GAL3ST2: variants seen among roughly 807,000 people sequenced by gnomAD.
GAL3ST2 encodes the protein beta-galactose-3-O-sulfotransferase 2.
A neutral mutation model predicts 12.9 loss-of-function variants in GAL3ST2; 16 were observed. The ratio of observed to expected loss-of-function variants is 1.24; its 90% CI spans 0.84 to 1.88. The LOEUF (loss-of-function observed/expected upper bound fraction) is 1.88, where lower values mean the gene tolerates loss of function less well. GAL3ST2 is among the 40% of genes most tolerant of loss of function. GAL3ST2 has a pLI of 0.00. For missense variants in GAL3ST2, 639 were observed against 571.8 expected, an observed-to-expected ratio of 1.12 and a Z score of -1.20; for synonymous variants, 302 against 273.9, an observed-to-expected ratio of 1.10 and a Z score of -1.01.
intron 1 of GAL3ST2, among the ~76,000 whole-genome samples, chr2:241,784,934 T>C (rs1319494908): frequency 3.3e-5 from 5 of 152,194 alleles, no homozygotes; most frequent in African/African-American, 9.7e-5. Context: ...AGGTTAAAGA[T>C]GGATGCCAAA....
At chr2:241,782,727 A>C (rs1470586216) in intron 1 of GAL3ST2, among the ~76,000 whole-genome samples, 2 of 152,184 alleles carry the variant, frequency 1.3e-5, no homozygotes, top group African/African-American at 4.8e-5. Flanking sequence ...TCAGTGTTTA[A>C]AATATAGCAG....
intron 1 of GAL3ST2, among the ~76,000 whole-genome samples, chr2:241,787,529 A>AACT (rs1371222955): frequency 4.4e-5 from 6 of 136,108 alleles, no homozygotes; most frequent in African/African-American, 1.9e-4. Context: ...TTTGCTGTAC[A>AACT]ACTTCTCCTC....
chr2:241,783,610 A>G (rs558831878), intron 1 of GAL3ST2, among the ~76,000 whole-genome samples: 10 of 152,356 alleles, frequency 6.6e-5, no homozygotes, highest in African/African-American at 2.4e-4. Context: ...CTAATTTAAT[A>G]TAACTTTAGA....
chr2:241,799,031 C>G, intron 1 of GAL3ST2, 34 bp from the exon 2 acceptor site: 14 of 1,574,856 alleles, frequency 8.9e-6, no homozygotes, highest in Non-Finnish European at 1.2e-5. Context: ...TGGCACGACC[C>G]GGACTGGGCA....
intron 1 of GAL3ST2, among the ~76,000 whole-genome samples, chr2:241,779,668 C>G (rs375332074): frequency 2.6e-5 from 4 of 151,836 alleles, no homozygotes; most frequent in South Asian, 2.1e-4. Flanking sequence ...CTCTGAAGTC[C>G]AAACATCAGT....
chr2:241,786,998 C>T (rs993476177), intron 1 of GAL3ST2, among the ~76,000 whole-genome samples: 2 of 152,166 alleles, frequency 1.3e-5, no homozygotes, highest in Non-Finnish European at 2.9e-5. Context: ...CTGATTGCAT[C>T]CTTTGAAGAG....
In GAL3ST2 at chr2:241,804,273, A is replaced by G; in HGVS notation, c.*107A>G. ...GGGCTTCTGGGGCGTTGGGAAACCCAGGCCCGCCGGCCACGGCTCTAAAAT... is the reference window on the plus strand; with the variant it reads ...GGGCTTCTGGGGCGTTGGGAAACCCGGGCCCGCCGGCCACGGCTCTAAAAT... On this transcript the variant is annotated 3_prime_UTR_variant, in exon 4 of 4. Transcript: ENST00000192314. The G allele has an allele frequency of 1.0e-6, 1 of 996,118 alleles. No individual in the cohort carries two copies. Among genetic ancestry groups the G allele is most frequent in the Non-Finnish European group, 1.4e-6 (1 of 733,262 alleles). 61.7% of individuals were successfully genotyped at this position (996,118 alleles called of 1,614,324 possible).
chr2:241,784,900 G>A (rs940593895), intron 1 of GAL3ST2, among the ~76,000 whole-genome samples: 8 of 152,212 alleles, frequency 5.3e-5, no homozygotes, highest in African/African-American at 1.7e-4. Flanking sequence ...GATATGGAGA[G>A]AACAAGTCTG....
intron 1 of GAL3ST2, among the ~76,000 whole-genome samples, chr2:241,789,202 G>T (rs62193065): frequency 1.3e-5 from 2 of 151,984 alleles, no homozygotes; most frequent in African/African-American, 4.8e-5. Context: ...CCACTGTTTC[G>T]ATCTAGCAGG....
Position 241,803,591 on chromosome 2 carries a change from G to T in GAL3ST2, c.622G>T (p.Gly208Cys), listed in dbSNP as rs1372941065. The T allele has an allele frequency of 1.3e-6, 2 of 1,579,408 alleles. No homozygotes were observed. Among genetic ancestry groups the T allele is most frequent in the East Asian group, 4.6e-5 (2 of 43,236 alleles). The change falls in exon 4 of 4, where the codon GGC becomes TGC. Residue 208 changes from glycine to cysteine, a missense_variant. By Grantham distance (159) the Gly-to-Cys change is radical. Transcript: ENST00000192314. ...CGACCCCAACGCGCAGTGCGAGGAG[G>T]GCTACGTGCGCGCGCGCATCGCCGA... ...GFDPNAQCEE[G>C]YVRARIAEVE...
rs375484658 is a variant in GAL3ST2, at chr2:241,804,025, C to T, written c.1056C>T (p.Tyr352=). Reference sequence around the variant, plus strand: ...CCGGCAAGGCCGACATCCTGGGTTACAACCTCCGGCCGGGCCTGGACAACC... The same window carrying T: ...CCGGCAAGGCCGACATCCTGGGTTATAACCTCCGGCCGGGCCTGGACAACC... ...YQSGKADILG[Y]NLRPGLDNQT... Residue 352 remains tyrosine (Y), a synonymous_variant, in exon 4 of 4, where the codon TAC becomes TAT. Coordinates refer to ENST00000192314, the MANE Select transcript of GAL3ST2 (RefSeq NM_022134.3). 1 of 1,565,768 alleles carries T rather than the reference C, an allele frequency of 6.4e-7. No homozygotes were observed. Among genetic ancestry groups the T allele is most frequent in the African/African-American group, 1.4e-5 (1 of 72,690 alleles).
rs930310536 is a variant in GAL3ST2, at chr2:241,793,417, CGT to C, written c.30-5643_30-5642del. Among the ~76,000 whole-genome samples the C allele has an allele frequency of 3.4e-5, 5 of 149,072 alleles. No homozygotes were observed. Among genetic ancestry groups the C allele is most frequent in the Non-Finnish European group, 5.9e-5 (4 of 67,392 alleles). On this transcript the variant is annotated intron_variant, in intron 1 of 3. Coordinates refer to ENST00000192314, the MANE Select transcript of GAL3ST2 (RefSeq NM_022134.3). The surrounding 1 kb of genome is among the most constrained non-coding windows in gnomAD (Gnocchi z 4.7). ...GTGTGTATATGTATGTATACATGTA[CGT>C]GTGTATATTGTGTACGTGTATGTAT...
intron 1 of GAL3ST2, among the ~76,000 whole-genome samples, chr2:241,778,624 C>T (rs557591483): frequency 2.0e-5 from 3 of 152,270 alleles, no homozygotes; most frequent in Admixed American, 1.3e-4. Flanking sequence ...AGACAGGTCT[C>T]GGTTAATTTA....
In GAL3ST2 at chr2:241,801,586, A is replaced by C; in HGVS notation, c.120-195A>C. 1 of 649,588 alleles carries C rather than the reference A, an allele frequency of 1.5e-6. No homozygotes were observed. Among genetic ancestry groups the C allele is most frequent in the Non-Finnish European group, 2.6e-6 (1 of 386,466 alleles). 40.2% of individuals were successfully genotyped at this position (649,588 alleles called of 1,614,324 possible). A position where few individuals can be genotyped will look rare whatever the true frequency, so the allele number is the denominator to read the frequency against. ...AGTTGGGGGAGTTTGTGTTCGGGCCACCAGCTGGGAGGTTGTGGAGTGGGG... is the reference window on the plus strand; with the variant it reads ...AGTTGGGGGAGTTTGTGTTCGGGCCCCCAGCTGGGAGGTTGTGGAGTGGGG... On this transcript the variant is annotated intron_variant, in intron 2 of 3. Coordinates refer to ENST00000192314, the MANE Select transcript of GAL3ST2 (RefSeq NM_022134.3). The surrounding 1 kb of genome is among the most constrained non-coding windows in gnomAD (Gnocchi z 4.4).
chr2:241,787,205 C>T (rs942260722), intron 1 of GAL3ST2, among the ~76,000 whole-genome samples: 13 of 152,056 alleles, frequency 8.5e-5, no homozygotes, highest in African/African-American at 3.1e-4. Context: ...ACAATGTATA[C>T]ATAAAAAAAA....
chr2:241,799,689 C>A (rs567452503), intron 2 of GAL3ST2, among the ~76,000 whole-genome samples: 25 of 152,204 alleles, frequency 1.6e-4, no homozygotes, highest in Non-Finnish European at 3.5e-4. Context: ...TTCCAGGCCC[C>A]GCCACTCCCC....
In GAL3ST2 at chr2:241,801,354, C is replaced by CG; in HGVS notation, c.120-427_120-426insG. 1.7e-5 allele frequency: 3 copies of CG among 177,624 alleles called. No individual in the cohort carries two copies. The highest frequency in any genetic ancestry group is 1.6e-4 in the South Asian group (1 of 6,080). The allele number at this position is 177,624 out of a possible 1,614,324, so 11.0% of individuals were successfully genotyped here. ...AGATGTGCCACATTTTCTTTACGGT[C>CG]TCTATGTAACATTCACACCCGGCAG... On this transcript the variant is annotated intron_variant, in intron 2 of 3. Coordinates refer to ENST00000192314, the MANE Select transcript of GAL3ST2 (RefSeq NM_022134.3). The surrounding 1 kb of genome is among the most constrained non-coding windows in gnomAD (Gnocchi z 4.4).
At chr2:241,796,495 T>TGCTCAGTCA (rs111497230) in intron 1 of GAL3ST2, among the ~76,000 whole-genome samples, 12,615 of 152,128 alleles carry the variant, frequency 0.083, 717 homozygotes, top group Admixed American at 0.17. Flanking sequence ...ATCAGGGCTC[T>TGCTCAGTCA]GCTCAGTCAT....
intron 1 of GAL3ST2, among the ~76,000 whole-genome samples, chr2:241,796,465 G>A (rs1254652116): frequency 1.3e-5 from 2 of 151,986 alleles, no homozygotes; most frequent in Non-Finnish European, 2.9e-5. Flanking sequence ...GGCCGGCCAC[G>A]GAGCTGATGG....
Sources: gnomAD v4.1 joint callset for allele counts (sites outside exome capture counted in the v4.1 genomes callset) on GRCh38, gnomAD v4.1.1 for gene constraint, Gnocchi (gnomAD v3.1) non-coding constraint, MANE v1.5 for transcripts, NCBI Gene and HGNC (gene_info 2026-07-23, HGNC 2026-07-21) for gene names.